Variants in COL24A1 observed in about 807,000 individuals in gnomAD.
COL24A1 encodes collagen type XXIV alpha 1 chain.
COL24A1 carries 224 observed loss-of-function variants against 253.9 expected under a neutral mutation model. The ratio of observed to expected loss-of-function variants is 0.88; its 90% CI spans 0.79 to 0.99. COL24A1 has a LOEUF of 0.99. Among genes scored for constraint, COL24A1 ranks in the 50% least tolerant of loss-of-function variants. The pLI is 0.00. For missense variants in COL24A1, 2,131 were observed against 2,068.5 expected, an observed-to-expected ratio of 1.03 and a Z score of -0.59; for synonymous variants, 685 against 673.7, an observed-to-expected ratio of 1.02 and a Z score of -0.26.
intron 7 of COL24A1, among the ~76,000 whole-genome samples, chr1:86,073,490 C>T (rs186894707): frequency 6.9e-4 from 105 of 152,292 alleles, no homozygotes; most frequent in Non-Finnish European, 1.0e-3. Context: ...ACCAAACCTA[C>T]GTTTGATTGG....
chr1:85,976,367 G>A (rs1692682851), intron 20 of COL24A1, among the ~76,000 whole-genome samples: 2 of 152,166 alleles, frequency 1.3e-5, no homozygotes, highest in South Asian at 2.1e-4. Flanking sequence ...TAATGCTACC[G>A]GCTTTCCCCT....
At chr1:85,993,408 T>A (rs946011179) in intron 19 of COL24A1, among the ~76,000 whole-genome samples, 7 of 150,270 alleles carry the variant, frequency 4.7e-5, no homozygotes, top group Non-Finnish European at 1.0e-4. Flanking sequence ...CCTAGACGAA[T>A]CTCAAATGTC....
intron 46 of COL24A1, 128 bp downstream of exon 46, chr1:85,817,906 T>G (rs1212397033): frequency 9.0e-6 from 7 of 778,452 alleles, no homozygotes; most frequent in African/African-American, 1.7e-5. Flanking sequence ...CAGCATGGGT[T>G]TAATTTTTTT....
intron 55 of COL24A1, among the ~76,000 whole-genome samples, chr1:85,755,315 A>G (rs567532091): frequency 6.6e-6 from 1 of 152,214 alleles, no homozygotes; most frequent in Non-Finnish European, 1.5e-5. Context: ...ATTCAGGCCT[A>G]AAGTAAAGGA....
intron 7 of COL24A1, among the ~76,000 whole-genome samples, chr1:86,075,570 A>G (rs570582254): frequency 6.6e-6 from 1 of 152,226 alleles, no homozygotes; most frequent in East Asian, 1.9e-4. Context: ...TGATACCAAA[A>G]CCTGGCAGAG....
chr1:85,933,969 C>T (rs1403754192), intron 24 of COL24A1, among the ~76,000 whole-genome samples: 1 of 152,136 alleles, frequency 6.6e-6, no homozygotes, highest in Admixed American at 6.6e-5. Flanking sequence ...TTCTGTGAGT[C>T]AGAAATTCAA....
At chr1:85,771,336 G>A (rs1667938601) in intron 53 of COL24A1, among the ~76,000 whole-genome samples, 1 of 152,010 alleles carries the variant, frequency 6.6e-6, no homozygotes, top group African/African-American at 2.4e-5. Flanking sequence ...CCAATTATGA[G>A]TGAGAACATG....
chr1:86,071,746 T>A (rs1701887953), intron 7 of COL24A1, among the ~76,000 whole-genome samples: 1 of 152,032 alleles, frequency 6.6e-6, no homozygotes, highest in Non-Finnish European at 1.5e-5. Flanking sequence ...AAAGAAAACA[T>A]TACTGGAGCT....
chr1:85,894,906 A>T (rs935203096), intron 31 of COL24A1, among the ~76,000 whole-genome samples: 1 of 152,182 alleles, frequency 6.6e-6, no homozygotes, highest in Non-Finnish European at 1.5e-5. Flanking sequence ...CATTTACTAC[A>T]TAGACAATTA....
chr1:85,874,089 T>TA (rs1311133609), intron 35 of COL24A1, among the ~76,000 whole-genome samples: 2 of 152,184 alleles, frequency 1.3e-5, no homozygotes, highest in Non-Finnish European at 2.9e-5. Flanking sequence ...TTTTAGTGAA[T>TA]AAATGTCTGT....
Position 85,895,899 on chromosome 1 carries a change from T to C in COL24A1, c.2881A>G (p.Lys961Glu), listed in dbSNP as rs1248799925. Residue 961 changes from lysine to glutamate, a missense_variant, in exon 31 of 60, where the codon AAG becomes GAG. Lys to Glu is a moderately conservative substitution (Grantham distance 56). Coordinates refer to ENST00000370571, the MANE Select transcript of COL24A1 (RefSeq NM_152890.7). ...CCTCTTTCTCCAGGGTTTCCAGTCT[T>C]ACCCTACATGAGAAAGAAAATTCTT... Reference protein sequence around the residue: ...GKRGPHGLIGKTGNPGERGFQ... With the variant: ...GKRGPHGLIGETGNPGERGFQ... The C allele has an allele frequency of 1.9e-6, 3 of 1,609,840 alleles. No homozygotes were observed. Among genetic ancestry groups the C allele is most frequent in the Non-Finnish European group, 2.5e-6 (3 of 1,178,988 alleles).
intron 20 of COL24A1, among the ~76,000 whole-genome samples, chr1:85,976,213 T>C (rs1692665954): frequency 6.6e-6 from 1 of 152,170 alleles, no homozygotes; most frequent in African/African-American, 2.4e-5. Context: ...CTGAAAGCCT[T>C]GCTTGCTTTC....
At chr1:85,939,815 C>T (rs894978200) in intron 24 of COL24A1, among the ~76,000 whole-genome samples, 2 of 151,828 alleles carry the variant, frequency 1.3e-5, no homozygotes, top group Non-Finnish European at 2.9e-5. Context: ...TCAAATAAAC[C>T]AGATGAGGAA....
chr1:85,882,541 T>C, intron 32 of COL24A1, among the ~76,000 whole-genome samples: 1 of 152,202 alleles, frequency 6.6e-6, no homozygotes, highest in Non-Finnish European at 1.5e-5. Flanking sequence ...GAATTTGGTC[T>C]ATCTTGGTGA....
In COL24A1 at chr1:85,874,645, T is replaced by C; in HGVS notation, c.3138+4A>G. The C allele has an allele frequency of 6.2e-7, 1 of 1,612,262 alleles. No homozygotes were observed. The highest frequency in any genetic ancestry group is 8.5e-7 in the Non-Finnish European group (1 of 1,179,710). ...TATTAAAAGAGTTTCAAGGGGGCACTCACCCGTAAACCTGGTTCCCCAGTT... is the reference window on the plus strand; with the variant it reads ...TATTAAAAGAGTTTCAAGGGGGCACCCACCCGTAAACCTGGTTCCCCAGTT... On this transcript the variant is annotated splice_donor_region_variant and intron_variant, in intron 35 of 59. Transcript: ENST00000370571.
chr1:86,100,927 A>G (rs1053940614), intron 5 of COL24A1, among the ~76,000 whole-genome samples: 1 of 152,016 alleles, frequency 6.6e-6, no homozygotes, highest in Non-Finnish European at 1.5e-5. Flanking sequence ...TTTACAATAA[A>G]CTGGTAAAAG....
chr1:86,103,123 C>T (rs1231330296), intron 5 of COL24A1, among the ~76,000 whole-genome samples: 1 of 152,130 alleles, frequency 6.6e-6, no homozygotes, highest in Non-Finnish European at 1.5e-5. Context: ...GAACCTTTTA[C>T]CATTATATAA....
At chr1:85,875,797 G>A (rs1470245810) in intron 33 of COL24A1, among the ~76,000 whole-genome samples, 1 of 150,634 alleles carries the variant, frequency 6.6e-6, no homozygotes, top group Non-Finnish European at 1.5e-5. Flanking sequence ...CTTTCATGGT[G>A]GGTCCATTTT....
At chr1:85,999,716 C>T (rs1695215798) in intron 19 of COL24A1, among the ~76,000 whole-genome samples, 1 of 151,686 alleles carries the variant, frequency 6.6e-6, no homozygotes, top group Non-Finnish European at 1.5e-5. Flanking sequence ...ACTCTATCTC[C>T]TTGTAGATAA....
Sources: gnomAD v4.1 joint callset for allele counts (sites outside exome capture counted in the v4.1 genomes callset) on GRCh38, gnomAD v4.1.1 for gene constraint, MANE v1.5 for transcripts, NCBI Gene and HGNC (gene_info 2026-07-23, HGNC 2026-07-21) for gene names.